CNTN3: variants seen among roughly 807,000 people sequenced by gnomAD.
CNTN3 encodes contactin 3.
In CNTN3, 60 loss-of-function variants were observed where a neutral mutation model predicts 119.1. The ratio of observed to expected loss-of-function variants is 0.50; its 90% CI spans 0.41 to 0.62. The LOEUF (loss-of-function observed/expected upper bound fraction) is 0.62. Among genes scored for constraint, CNTN3 ranks in the 20% least tolerant of loss-of-function variants. The pLI, the probability that CNTN3 is intolerant of heterozygous loss-of-function variation, is 0.00. For missense variants in CNTN3, 1,101 were observed against 1,242.4 expected (o/e 0.89, Z 1.71); for synonymous variants, 450 against 438.7 (o/e 1.03, Z -0.32).
intron 5 of CNTN3, among the ~76,000 whole-genome samples, chr3:74,372,895 C>G (rs1006396460): frequency 6.6e-6 from 1 of 152,104 alleles, no homozygotes; most frequent in African/African-American, 2.4e-5. Context: ...AAAAGGCCAG[C>G]AGAGAAGAGA....
chr3:74,416,566 G>C (rs1004602712), intron 5 of CNTN3, among the ~76,000 whole-genome samples: 1 of 152,046 alleles, frequency 6.6e-6, no homozygotes, highest in African/African-American at 2.4e-5. Flanking sequence ...TGCTTAAAAA[G>C]GTTTTCATTG....
At chr3:74,416,863 C>T (rs1701531696) in intron 5 of CNTN3, among the ~76,000 whole-genome samples, 2 of 152,064 alleles carry the variant, frequency 1.3e-5, no homozygotes, top group South Asian at 2.1e-4. Flanking sequence ...TGGCGTGTGG[C>T]TATAGTCCCA....
chr3:74,473,983 C>T (rs949854385), intron 4 of CNTN3, among the ~76,000 whole-genome samples: 142 of 152,088 alleles, frequency 9.3e-4, no homozygotes, highest in African/African-American at 3.2e-3. Context: ...AGGGAGGTAT[C>T]GATATGTTCA....
chr3:74,538,624 G>T (rs1357015973), intron 1 of CNTN3, among the ~76,000 whole-genome samples: 2 of 152,074 alleles, frequency 1.3e-5, no homozygotes, highest in Non-Finnish European at 2.9e-5. Flanking sequence ...ATAAATAAAG[G>T]TTGTTATCAT....
chr3:74,549,153 T>C (rs1414560038), intron 1 of CNTN3, among the ~76,000 whole-genome samples: 1 of 152,140 alleles, frequency 6.6e-6, no homozygotes, highest in Non-Finnish European at 1.5e-5. Flanking sequence ...TGGTTTCCAA[T>C]GGTTTAGCCC....
chr3:74,380,107 T>C (rs953064129), intron 5 of CNTN3, among the ~76,000 whole-genome samples: 4 of 152,146 alleles, frequency 2.6e-5, no homozygotes, highest in Non-Finnish European at 5.9e-5. Flanking sequence ...AACTGGGAAA[T>C]ACAATGCATT....
intron 4 of CNTN3, among the ~76,000 whole-genome samples, chr3:74,463,827 CAG>C (rs1702414021): frequency 6.6e-6 from 1 of 152,160 alleles, no homozygotes; most frequent in South Asian, 2.1e-4. Flanking sequence ...TGTCCACCAG[CAG>C]CTTTAAATCA....
chr3:74,501,388 A>G (rs919383157), intron 2 of CNTN3, among the ~76,000 whole-genome samples: 2 of 152,046 alleles, frequency 1.3e-5, no homozygotes, highest in African/African-American at 4.8e-5. Context: ...ATTGTCACAC[A>G]TCGATACCGG....
chr3:74,298,453 T>C (rs1454951905), intron 17 of CNTN3, among the ~76,000 whole-genome samples: 4 of 152,224 alleles, frequency 2.6e-5, no homozygotes, highest in Non-Finnish European at 4.4e-5. Flanking sequence ...GATCATCTTA[T>C]GGCTCAAGTC....
intron 19 of CNTN3, among the ~76,000 whole-genome samples, chr3:74,285,827 ATATATATATAT>A: frequency 4.5e-5 from 6 of 133,022 alleles, no homozygotes; most frequent in Non-Finnish European, 8.0e-5. Context: ...ATATATATAT[ATATATATATAT>A]AAAATTAAAA....
intron 4 of CNTN3, among the ~76,000 whole-genome samples, chr3:74,450,680 A>C (rs142990875): frequency 2.4e-5 from 2 of 84,608 alleles, no homozygotes; most frequent in Admixed American, 1.7e-4. Context: ...ACCCCACAAC[A>C]CTCCCCAGAG....
At chr3:74,418,298 G>T (rs2106883969) in intron 5 of CNTN3, among the ~76,000 whole-genome samples, 2 of 149,184 alleles carry the variant, frequency 1.3e-5, no homozygotes, top group East Asian at 2.0e-4. Context: ...AAAGTGCTGG[G>T]ATTACAAACA....
In CNTN3 at chr3:74,581,064, C is replaced by T. The variant is rs1476800294; in HGVS notation, c.-81+33327G>A. Among the ~76,000 whole-genome samples the T allele has an allele frequency of 3.3e-5, 5 of 152,112 alleles. No individual in the cohort carries two copies. In the East Asian group the frequency reaches 9.6e-4, roughly 29 times the overall value. ...GGGAAAATCAAGCACTTGTGCTCTA[C>T]CATCAGGAAGAAGGTAAGGATAACC... On this transcript the variant is annotated intron_variant, in intron 1 of 22. Transcript: ENST00000263665.
rs555857346 is a variant in CNTN3, at chr3:74,340,173, G to C, written c.1365-3515C>G. Among the ~76,000 whole-genome samples the C allele has an allele frequency of 1.8e-4, 28 of 152,242 alleles. No homozygotes were observed. In the South Asian group the frequency reaches 5.8e-3, roughly 32 times the overall value. ...GGATATGCATAGGTTGTATGCAAAA[G>C]CCAAGCTATTTTGTGTAAGGGCTTG... On this transcript the variant is annotated intron_variant, in intron 11 of 22. Coordinates refer to ENST00000263665, the MANE Select transcript of CNTN3 (RefSeq NM_020872.3).
intron 3 of CNTN3, among the ~76,000 whole-genome samples, chr3:74,498,803 T>G (rs1312260914): frequency 6.6e-6 from 1 of 151,852 alleles, no homozygotes; most frequent in Non-Finnish European, 1.5e-5. Context: ...GGGGTTTTCA[T>G]AGTAGATGTT....
intron 13 of CNTN3, among the ~76,000 whole-genome samples, chr3:74,315,417 G>A (rs1702805336): frequency 6.6e-6 from 1 of 151,872 alleles, no homozygotes; most frequent in African/African-American, 2.4e-5. Flanking sequence ...TTCTTTTCTT[G>A]CACAAGAATT....
At chr3:74,596,933 G>A (rs1704823218) in intron 1 of CNTN3, among the ~76,000 whole-genome samples, 1 of 152,050 alleles carries the variant, frequency 6.6e-6, no homozygotes, top group African/African-American at 2.4e-5. Context: ...AAACGACCTG[G>A]GAGTAATCCC....
At chr3:74,429,895 T>C (rs1701754783) in intron 4 of CNTN3, among the ~76,000 whole-genome samples, 2 of 152,256 alleles carry the variant, frequency 1.3e-5, no homozygotes, top group Non-Finnish European at 2.9e-5. Context: ...TCAACATCAT[T>C]AGACATCGGG....
intron 20 of CNTN3, among the ~76,000 whole-genome samples, chr3:74,280,916 G>T (rs563767693): frequency 1.3e-5 from 2 of 152,304 alleles, no homozygotes; most frequent in South Asian, 2.1e-4. Flanking sequence ...AGGTGGAGCT[G>T]CAGTCAGGTG....
Sources: allele counts gnomAD v4.1 joint callset (sites outside exome capture counted in the v4.1 genomes callset), GRCh38; gene constraint gnomAD v4.1.1; transcripts MANE v1.5; gene names NCBI Gene and HGNC (gene_info 2026-07-23, HGNC 2026-07-21).